DHX32: variants seen among roughly 807,000 people sequenced by gnomAD.
The protein encoded by DHX32 is putative pre-mRNA-splicing factor ATP-dependent RNA helicase DHX32.
DHX32 carries 51 observed loss-of-function variants against 70.0 expected under a neutral mutation model. The observed-to-expected ratio is 0.73, with a 90% CI of 0.58 to 0.92. The LOEUF (loss-of-function observed/expected upper bound fraction) is 0.92. Among genes scored for constraint, DHX32 ranks in the 40% least tolerant of loss-of-function variants. DHX32 has a pLI of 0.00. For synonymous variants in DHX32, 310 were observed against 315.3 expected, an observed-to-expected ratio of 0.98 and a Z score of 0.18; for missense variants, 762 against 891.8, an observed-to-expected ratio of 0.85 and a Z score of 1.85.
chr10:125,867,786 C>CGA (rs1944232433), intron 1 of DHX32, among the ~76,000 whole-genome samples: 1 of 148,472 alleles, frequency 6.7e-6, no homozygotes, highest in African/African-American at 2.5e-5. Flanking sequence ...AAAATACTTT[C>CGA]AACCTCAACT....
rs1195047232 is a variant in DHX32, at chr10:125,837,058, AT to A, written c.2064-204del. Among the ~76,000 whole-genome samples, 25 of 152,220 alleles carry A rather than the reference AT, an allele frequency of 1.6e-4. 1 individual carries two copies. The highest frequency in any genetic ancestry group is 2.1e-4 in the South Asian group (1 of 4,830). The stretch of plus-strand genomic sequence containing the variant: ...CAGCCAATCCTGTTGCATTTCTAGA[AT>A]AAGTTGGCCTCTCTAGTGTTATGCC... On this transcript the variant is annotated intron_variant, in intron 10 of 10. Coordinates refer to ENST00000284690, the MANE Select transcript of DHX32 (RefSeq NM_018180.3).
chr10:125,841,043 T>C, intron 7 of DHX32, 47 bp from the exon 8 acceptor site: 1 of 1,567,902 alleles, frequency 6.4e-7, no homozygotes, highest in South Asian at 1.2e-5. Context: ...GAAGACATTT[T>C]ATCTTAGCCT....
intron 9 of DHX32, among the ~76,000 whole-genome samples, 158 bp downstream of exon 9, chr10:125,838,843 T>A (rs955969706): frequency 2.6e-5 from 4 of 152,204 alleles, no homozygotes; most frequent in Non-Finnish European, 4.4e-5. Flanking sequence ...TTTATTCCCT[T>A]GAGGGGAAGG....
chr10:125,888,292 C>A (rs1944351040), intron 1 of DHX32, among the ~76,000 whole-genome samples: 16 of 151,510 alleles, frequency 1.1e-4, no homozygotes. Flanking sequence ...CAGCCTCCAA[C>A]TTCTGGGCTC....
upstream of DHX32, among the ~76,000 whole-genome samples, chr10:125,884,130 A>G (rs928640124): frequency 6.6e-6 from 1 of 152,152 alleles, no homozygotes; most frequent in Admixed American, 6.5e-5. Flanking sequence ...TTTTGCTGCT[A>G]TATGGTTTGG....
intron 2 of DHX32, among the ~76,000 whole-genome samples, chr10:125,864,231 C>T (rs925156972): frequency 6.6e-6 from 1 of 152,154 alleles, no homozygotes; most frequent in Admixed American, 6.5e-5. Context: ...GGGGGCATGT[C>T]ACAGTGGAAA....
At chr10:125,879,485 T>G (rs1944304764) in intron 1 of DHX32, among the ~76,000 whole-genome samples, 1 of 152,100 alleles carries the variant, frequency 6.6e-6, no homozygotes, top group Non-Finnish European at 1.5e-5. Context: ...ATTCCCTAAC[T>G]CGGAACTTTC....
chr10:125,838,856 A>G, intron 9 of DHX32, 145 bp downstream of exon 9: 1 of 966,862 alleles, frequency 1.0e-6, no homozygotes, highest in Non-Finnish European at 1.5e-6. Flanking sequence ...GGGGAAGGAT[A>G]CTTAAGTACC....
intron 2 of DHX32, among the ~76,000 whole-genome samples, chr10:125,865,339 T>C (rs530849541): frequency 3.3e-5 from 5 of 152,292 alleles, no homozygotes; most frequent in South Asian, 4.1e-4. Flanking sequence ...TATAAATACA[T>C]AGTAATTTAA....
chr10:125,842,418 G>A (rs1854907015), intron 6 of DHX32: 1 of 153,126 alleles, frequency 6.5e-6, no homozygotes, highest in Non-Finnish European at 1.5e-5. Flanking sequence ...AGAAGGAACA[G>A]TGGTGCTGAC....
At chr10:125,846,474 G>T (rs748237243) in intron 6 of DHX32, among the ~76,000 whole-genome samples, 5 of 152,182 alleles carry the variant, frequency 3.3e-5, no homozygotes, top group Non-Finnish European at 7.3e-5. Flanking sequence ...ATTATTATTT[G>T]CTCTCAGTCT....
At chr10:125,860,262 TTAA>T (rs1249075717) in intron 2 of DHX32, among the ~76,000 whole-genome samples, 1 of 152,204 alleles carries the variant, frequency 6.6e-6, no homozygotes, top group Non-Finnish European at 1.5e-5. Flanking sequence ...ATTACAAATA[TTAA>T]TAAAAGCCTG....
intron 1 of DHX32, among the ~76,000 whole-genome samples, chr10:125,893,415 T>C (rs1453019937): frequency 6.6e-6 from 1 of 152,078 alleles, no homozygotes; most frequent in South Asian, 2.1e-4. Context: ...GGCTAATTTT[T>C]TGTATTTTTA....
At chr10:125,868,786 CTGAA>C (rs1944238604) in intron 1 of DHX32, among the ~76,000 whole-genome samples, 2 of 152,162 alleles carry the variant, frequency 1.3e-5, no homozygotes, top group South Asian at 2.1e-4. Flanking sequence ...AATGAATAGA[CTGAA>C]TGAATGAGAA....
Position 125,836,703 on chromosome 10 carries a change from C to A in DHX32, c.2216G>T (p.Arg739Ile), listed in dbSNP as rs35941699. The A allele has an allele frequency of 5.0e-6, 8 of 1,614,028 alleles. No individual in the cohort carries two copies. The highest frequency in any genetic ancestry group is 3.3e-5 in the Admixed American group (2 of 60,002). ...MCETCPETEQ[R>I]CTLQ ...GCTGGGGAGTCACTGGAGAGTGCAT[C>A]TCTGTTCAGTTTCAGGGCACGTCTC... Residue 739 changes from arginine (R) to isoleucine (I), a missense_variant, in exon 11 of 11, where the codon AGA becomes ATA. By Grantham distance (97) the Arg-to-Ile change is moderately conservative. Coordinates refer to ENST00000284690, the MANE Select transcript of DHX32 (RefSeq NM_018180.3).
At chr10:125,845,530 T>C (rs1944006653) in intron 6 of DHX32, among the ~76,000 whole-genome samples, 1 of 152,218 alleles carries the variant, frequency 6.6e-6, no homozygotes, top group Non-Finnish European at 1.5e-5. Context: ...TTCACGAGGA[T>C]AGGGCAGGGG....
At chr10:125,867,435 G>A (rs1484587308) in intron 1 of DHX32, among the ~76,000 whole-genome samples, 1 of 152,140 alleles carries the variant, frequency 6.6e-6, no homozygotes, top group Non-Finnish European at 1.5e-5. Context: ...ACAAAAAAAG[G>A]CAGATAAAAA....
chr10:125,873,202 C>A (rs746139596), intron 1 of DHX32, among the ~76,000 whole-genome samples: 1 of 152,242 alleles, frequency 6.6e-6, no homozygotes, highest in Non-Finnish European at 1.5e-5. Flanking sequence ...ATGAGCTACA[C>A]TGGTGTAGAA....
At chr10:125,887,913 G>C (rs1189024234) in intron 1 of DHX32, among the ~76,000 whole-genome samples, 1 of 152,144 alleles carries the variant, frequency 6.6e-6, no homozygotes, top group Non-Finnish European at 1.5e-5. Context: ...ATGGCAATAA[G>C]AGAAACCAAT....
Sources: gnomAD v4.1 joint callset for allele counts (sites outside exome capture counted in the v4.1 genomes callset) on GRCh38, gnomAD v4.1.1 for gene constraint, MANE v1.5 for transcripts, NCBI Gene and HGNC (gene_info 2026-07-23, HGNC 2026-07-21) for gene names.